C19orf67: variants seen among roughly 807,000 people sequenced by gnomAD.
C19orf67 encodes chromosome 19 open reading frame 67.
A neutral mutation model predicts 41.4 loss-of-function variants in C19orf67; 28 were observed. The ratio of observed to expected loss-of-function variants is 0.68; its 90% CI spans 0.50 to 0.93. The LOEUF (loss-of-function observed/expected upper bound fraction) is 0.93, where lower values mean the gene tolerates loss of function less well. C19orf67 is among the 40% of genes least tolerant of loss of function. The pLI is 0.00. For synonymous variants in C19orf67, 242 were observed against 203.4 expected, an observed-to-expected ratio of 1.19 and a Z score of -1.62; for missense variants, 421 against 467.0, an observed-to-expected ratio of 0.90 and a Z score of 0.91.
chr19:14,083,660 C>T (rs768659266), intron 2 of C19orf67, 55 bp from the exon 3 acceptor site: 1 of 1,523,600 alleles, frequency 6.6e-7, no homozygotes, highest in Non-Finnish European at 8.8e-7. Context: ...GAGTGGGCCT[C>T]CCCCTCCACC....
chr19:14,082,640 C>T (rs2145724635), intron 4 of C19orf67, 37 bp from the exon 5 acceptor site: 2 of 1,520,636 alleles, frequency 1.3e-6, no homozygotes, highest in Non-Finnish European at 1.8e-6. Context: ...AAGTGATCAG[C>T]TTCCTAGCTA....
intron 1 of C19orf67, among the ~76,000 whole-genome samples, chr19:14,084,570 C>T (rs552592443): frequency 2.0e-5 from 3 of 152,070 alleles, no homozygotes; most frequent in Non-Finnish European, 2.9e-5. Flanking sequence ...CGGTGGCTCA[C>T]GTCTGTAATT....
chr19:14,085,219 G>A (rs1428023648), intron 1 of C19orf67, 74 bp downstream of exon 1: 1 of 1,273,336 alleles, frequency 7.9e-7, no homozygotes, highest in Non-Finnish European at 1.1e-6. Context: ...CGACCCTGGT[G>A]TGTGTCACCC....
At position 14,083,851 on chromosome 19, in the gene C19orf67, A is replaced by ACC; in HGVS notation, c.361_362insGG (p.Leu121ArgfsTer43). ...TAAGAAGGTGGGCATGGCCTTGGCCAGCTGCTCCTTCTGTACTTGGTCTCT... is the reference window on the plus strand; with the variant it reads ...TAAGAAGGTGGGCATGGCCTTGGCCACCGCTGCTCCTTCTGTACTTGGTCTCT... On this transcript the variant is annotated frameshift_variant, in exon 2 of 6. Transcript: ENST00000548523. LOFTEE classifies it high-confidence loss of function. 1 of 1,377,928 alleles carries ACC rather than the reference A, an allele frequency of 7.3e-7. No individual in the cohort carries two copies. The highest frequency in any genetic ancestry group is 9.4e-7 in the Non-Finnish European group (1 of 1,065,456). 85.4% of individuals were successfully genotyped at this position (1,377,928 alleles called of 1,614,324 possible).
At position 14,085,590 on chromosome 19, in the gene C19orf67, A is replaced by T. The variant is rs546741090; in HGVS notation, c.38T>A (p.Leu13Gln). 1,876 of 1,533,810 alleles carry T rather than the reference A, an allele frequency of 1.2e-3. 19 individuals are homozygous for T. In the African/African-American group the frequency reaches 0.022, roughly 18 times the overall value. ...TEQWFEGSLP[L>Q]DPGETPPPDA... ...TGGAGGCGGTGTTTCTCCAGGGTCC[A>T]GGGGGAGCGACCCCTCGAACCACTG... The change falls in exon 1 of 6, where the codon CTG (leucine) becomes CAG (glutamine). Residue 13 changes from leucine to glutamine, a missense_variant. Physicochemically the swap from Leu to Gln is moderately radical, Grantham distance 113. Transcript: ENST00000548523.
In C19orf67 at chr19:14,085,432, A is replaced by G. The variant is rs2145726817; in HGVS notation, c.196T>C (p.Ser66Pro). Reference sequence around the variant, plus strand: ...CGGGGGACCAGAGGTTTGGGGGAAGACGTGGAGGCCCGGGCCTCAGCCAGC... The same window carrying G: ...CGGGGGACCAGAGGTTTGGGGGAAGGCGTGGAGGCCCGGGCCTCAGCCAGC... Reference protein sequence around the residue: ...GRLAEARASTSSPKPLVPRPG... With the variant: ...GRLAEARASTPSPKPLVPRPG... Residue 66 changes from serine to proline, a missense_variant, in exon 1 of 6, where the codon TCT (serine) becomes CCT (proline). Around this residue, in one of 3 missense-constraint regions of C19orf67, gnomAD observed 160 missense variants for 139.2 expected, o/e 1.15. Transcript: ENST00000548523. 3.3e-6 allele frequency: 5 copies of G among 1,535,826 alleles called. No individual in the cohort carries two copies. Among genetic ancestry groups the G allele is most frequent in the South Asian group, 1.2e-5 (1 of 84,052 alleles).
intron 2 of C19orf67, 41 bp downstream of exon 2, chr19:14,083,692 C>T (rs758013683): frequency 4.1e-5 from 61 of 1,503,180 alleles, no homozygotes; most frequent in South Asian, 6.2e-5. Flanking sequence ...CTCAGAGCTG[C>T]GAGAAGAAAG....
At chr19:14,082,987 G>C (rs1462205696) in intron 4 of C19orf67, among the ~76,000 whole-genome samples, 2 of 152,134 alleles carry the variant, frequency 1.3e-5, no homozygotes, top group Admixed American at 1.3e-4. Flanking sequence ...TGGGACTACA[G>C]GTGCCAGCCA....
rs1354036107 is a variant in C19orf67 at position 14,081,904 on chromosome 19, G to T, written c.1007C>A (p.Thr336Lys). The T allele has an allele frequency of 6.5e-7, 1 of 1,534,360 alleles. No homozygotes were observed. Among genetic ancestry groups the T allele is most frequent in the Non-Finnish European group, 8.7e-7 (1 of 1,145,848 alleles). ...LATDLLVQIL[T>K]GQAGQARPPS... ...AGGCCGGGCCTGGCCTGCCTGGCCC[G>T]TGAGGATCTGCACCAGCAGGTCGGT... is the stretch of plus-strand genomic sequence containing the variant. The change falls in exon 6 of 6, where the codon ACG (threonine) becomes AAG (lysine). Residue 336 changes from threonine (T) to lysine (K), a missense_variant. Physicochemically the swap from Thr to Lys is moderately conservative, Grantham distance 78. Coordinates refer to ENST00000548523, the MANE Select transcript of C19orf67 (RefSeq NM_001277378.2).
rs1054198891 is a variant in C19orf67 at position 14,085,412 on chromosome 19, G to T, written c.216C>A (p.Val72=). 2 of 1,536,024 alleles carry T rather than the reference G, an allele frequency of 1.3e-6. No homozygotes were observed. Among genetic ancestry groups the T allele is most frequent in the Non-Finnish European group, 1.7e-6 (2 of 1,146,856 alleles). Residue 72 remains valine, a synonymous_variant, in exon 1 of 6, where the codon GTC becomes GTA. Transcript: ENST00000548523. ...GGGGAGGTGCTGGCCCAGGCCGGGG[G>T]ACCAGAGGTTTGGGGGAAGACGTGG... is the stretch of plus-strand genomic sequence containing the variant. ...RASTSSPKPL[V]PRPGPAPPRL...
rs1472893333 is a variant in C19orf67, at chr19:14,085,677, T to C, written c.-50A>G. 1.4e-6 allele frequency: 2 copies of C among 1,399,070 alleles called. No individual in the cohort carries two copies. The highest frequency in any genetic ancestry group is 1.4e-5 in the African/African-American group (1 of 70,060). The allele number at this position is 1,399,070 out of a possible 1,614,324, so 86.7% of individuals were successfully genotyped here. Reference sequence around the variant, plus strand: ...GAGCTCTTTAAGCTTCCGCTGCTGCTCAGGTTGGCCGCGGGTTCGACCCCG... The same window carrying C: ...GAGCTCTTTAAGCTTCCGCTGCTGCCCAGGTTGGCCGCGGGTTCGACCCCG... On this transcript the variant is annotated 5_prime_UTR_variant, in exon 1 of 6. Transcript: ENST00000548523.
chr19:14,082,338 CT>C, intron 5 of C19orf67, 130 bp downstream of exon 5: 1 of 1,080,028 alleles, frequency 9.3e-7, no homozygotes, highest in Non-Finnish European at 1.3e-6. Context: ...GCATGAAGTG[CT>C]TTTCAGGGCA....
At position 14,083,620 on chromosome 19, in the gene C19orf67, G is replaced by T. The variant is rs536038600; in HGVS notation, c.481-15C>A. The stretch of plus-strand genomic sequence containing the variant: ...ATCTCTAACAGCTGCATACAAGAGG[G>T]GGGTACAGTGAGATCAGCTGGCCTG... On this transcript the variant is annotated splice_polypyrimidine_tract_variant and intron_variant, in intron 2 of 5. Transcript: ENST00000548523. The T allele has an allele frequency of 9.1e-5, 140 of 1,535,018 alleles. No individual in the cohort carries two copies. The highest frequency in any genetic ancestry group is 1.2e-4 in the Non-Finnish European group (132 of 1,146,148).
At chr19:14,083,911 C>T in intron 1 of C19orf67, 34 bp from the exon 2 acceptor site, 1 of 1,296,404 alleles carries the variant, frequency 7.7e-7, no homozygotes, top group Non-Finnish European at 9.8e-7. Context: ...CCTGGAATCC[C>T]TCACAACCCC....
chr19:14,083,808 G>A lies in C19orf67; in HGVS notation c.405C>T (p.Tyr135=), dbSNP rs1050655399. 1 of 1,419,486 alleles carries A rather than the reference G, an allele frequency of 7.0e-7. No individual in the cohort carries two copies. Among genetic ancestry groups the A allele is most frequent in the Non-Finnish European group, 9.2e-7 (1 of 1,088,094 alleles). 87.9% of individuals were successfully genotyped at this position (1,419,486 alleles called of 1,614,324 possible). The part of the protein sequence containing the change: ...MPTFLQMCEP[Y]FLYLEAAARS... ...TCGCGGCTGCCTCCAGGTACAGGAA[G>A]TAGGGCTCACACATCTGTAAGAAGG... The change falls in exon 2 of 6, where the codon TAC becomes TAT. Residue 135 remains tyrosine, a synonymous_variant. Transcript: ENST00000548523.
In C19orf67 at chr19:14,083,542, A is replaced by T; in HGVS notation, c.544T>A (p.Phe182Ile). 6.5e-7 allele frequency: 1 copy of T among 1,536,114 alleles called. No homozygotes were observed. Among genetic ancestry groups the T allele is most frequent in the Non-Finnish European group, 8.7e-7 (1 of 1,146,906 alleles). ...LEQLVLMYAS[F>I]GFVDLEEMNP... ...ATCTCCTCCAGGTCCACGAACCCAAAGGAAGCGTACATGAGGACCAGCTGT... is the reference window on the plus strand; with the variant it reads ...ATCTCCTCCAGGTCCACGAACCCAATGGAAGCGTACATGAGGACCAGCTGT... Residue 182 changes from phenylalanine (F) to isoleucine (I), a missense_variant, in exon 3 of 6, where the codon TTT (phenylalanine) becomes ATT (isoleucine). Physicochemically the swap from Phe to Ile is conservative, Grantham distance 21. Transcript: ENST00000548523.
At chr19:14,082,082 A>C (rs542491050) in intron 5 of C19orf67, 74 bp from the exon 6 acceptor site, 1 of 1,253,442 alleles carries the variant, frequency 8.0e-7, no homozygotes, top group African/African-American at 1.5e-5. Context: ...CCTCCCTTTG[A>C]GTGAGAGGCT....
chr19:14,083,925 C>T, intron 1 of C19orf67, 48 bp from the exon 2 acceptor site: 1 of 1,284,382 alleles, frequency 7.8e-7, no homozygotes, highest in Non-Finnish European at 9.8e-7. Context: ...CAACCCCTCC[C>T]CACCCCGCAG....
chr19:14,082,105 G>A, intron 5 of C19orf67, 97 bp from the exon 6 acceptor site: 1 of 1,115,368 alleles, frequency 9.0e-7, no homozygotes, highest in South Asian at 1.7e-5. Flanking sequence ...GGTGAAAGAG[G>A]CTTTGTTTCA....
Sources: allele counts gnomAD v4.1 joint callset (sites outside exome capture counted in the v4.1 genomes callset), GRCh38; gene constraint gnomAD v4.1.1; regional missense constraint gnomAD v4.1.1; transcripts MANE v1.5; gene names NCBI Gene and HGNC (gene_info 2026-07-23, HGNC 2026-07-21).